Variants in ADGRD1 observed in about 807,000 individuals in gnomAD.
The protein encoded by ADGRD1 is adhesion G protein-coupled receptor D1, also known as G-protein coupled receptor 133.
A neutral mutation model predicts 113.4 loss-of-function variants in ADGRD1; 77 were observed. The ratio of observed to expected loss-of-function variants is 0.68; its 90% CI spans 0.57 to 0.82. The LOEUF (loss-of-function observed/expected upper bound fraction) is 0.82, where lower values mean the gene tolerates loss of function less well. Among genes scored for constraint, ADGRD1 ranks in the 40% least tolerant of loss-of-function variants. ADGRD1 has a pLI of 0.00. For synonymous variants in ADGRD1, 474 were observed against 475.0 expected, an observed-to-expected ratio of 1.00 and a Z score of 0.03; for missense variants, 1,036 against 1,139.1, an observed-to-expected ratio of 0.91 and a Z score of 1.30.
At chr12:131,083,788 G>A (rs574487976) in intron 14 of ADGRD1, among the ~76,000 whole-genome samples, 2 of 152,168 alleles carry the variant, frequency 1.3e-5, no homozygotes, top group Admixed American at 6.5e-5. Context: ...CGTTATTCAC[G>A]TAAAAAGTAA....
chr12:130,990,975 AC>A, intron 6 of ADGRD1, 38 bp from the exon 7 acceptor site: 2 of 1,560,604 alleles, frequency 1.3e-6, no homozygotes, highest in South Asian at 1.1e-5. Context: ...GAAAAAAGTG[AC>A]CATGTTTTAG....
chr12:131,094,066 C>T (rs989811337), intron 15 of ADGRD1, among the ~76,000 whole-genome samples: 4 of 150,052 alleles, frequency 2.7e-5, no homozygotes, highest in Non-Finnish European at 4.4e-5. Flanking sequence ...CACCCAGCCT[C>T]GGCACCCAGC....
intron 15 of ADGRD1, among the ~76,000 whole-genome samples, chr12:131,085,281 G>A (rs1886381157): frequency 6.6e-6 from 1 of 152,172 alleles, no homozygotes; most frequent in Admixed American, 6.5e-5. Context: ...CGTCTGAATG[G>A]CCAGAGGAAG....
At chr12:131,089,448 C>T (rs963007633) in intron 15 of ADGRD1, among the ~76,000 whole-genome samples, 1 of 152,258 alleles carries the variant, frequency 6.6e-6, no homozygotes, top group African/African-American at 2.4e-5. Context: ...GTGGCCTTCA[C>T]ACAGCCGACC....
chr12:131,128,709 G>A (rs1950809649), intron 20 of ADGRD1, among the ~76,000 whole-genome samples: 1 of 152,162 alleles, frequency 6.6e-6, no homozygotes, highest in Non-Finnish European at 1.5e-5. Context: ...CAGATAGGGG[G>A]ACTGTAACTA....
Position 131,067,706 on chromosome 12 carries a change from G to A in ADGRD1, c.1474-9095G>A, listed in dbSNP as rs572445488. Among the ~76,000 whole-genome samples the A allele has an allele frequency of 5.8e-3, 450 of 77,674 alleles. 17 individuals are homozygous for A. Among genetic ancestry groups the A allele is most frequent in the Non-Finnish European group, 1.4e-3 (51 of 36,180 alleles). The allele number at this position is 77,674 out of a possible 152,430, so 51.0% of individuals were successfully genotyped here. ...GCCCCTGATCCTTCTTCTGAGCAGG[G>A]GCTGCCCTCTGCCTCCTGTATTTCT... On this transcript the variant is annotated intron_variant, in intron 13 of 24. Coordinates refer to ENST00000261654, the MANE Select transcript of ADGRD1 (RefSeq NM_198827.5).
rs184204122 is a variant in ADGRD1 at position 131,027,893 on chromosome 12, A to C, written c.1473+13553A>C. 3 of 152,364 alleles carry C rather than the reference A, an allele frequency of 2.0e-5. No homozygotes were observed. Among genetic ancestry groups the C allele is most frequent in the East Asian group, 1.9e-4 (1 of 5,186 alleles). 9.4% of individuals were successfully genotyped at this position (152,364 alleles called of 1,614,324 possible). ...GGTCAAGAAGCAGCACACGGCCAGC[A>C]CCATGGAATGCCTTTTCCAGACGCC... On this transcript the variant is annotated intron_variant, in intron 13 of 24. Transcript: ENST00000261654. The surrounding 1 kb of genome is among the most constrained non-coding windows in gnomAD (Gnocchi z 5.1).
At chr12:131,124,402 G>T (rs1316886055) in intron 20 of ADGRD1, among the ~76,000 whole-genome samples, 2 of 152,196 alleles carry the variant, frequency 1.3e-5, no homozygotes, top group African/African-American at 4.8e-5. Flanking sequence ...GGGAGTATGT[G>T]CTTCAAGATT....
intron 5 of ADGRD1, chr12:130,986,687 T>C (rs531759661): frequency 7.2e-4 from 132 of 183,978 alleles, no homozygotes; most frequent in African/African-American, 2.8e-3. Context: ...TTCAGTACAA[T>C]GTTAAAAAGG....
chr12:131,000,512 C>T lies in ADGRD1; in HGVS notation c.1026+70C>T, dbSNP rs1006645885. On this transcript the variant is annotated intron_variant, in intron 9 of 24. Coordinates refer to ENST00000261654, the MANE Select transcript of ADGRD1 (RefSeq NM_198827.5). ...ATCCCAGCACTTTGGGAGGCCAAGG[C>T]GGGTGGATCACTTGAGGTCAGGAGT... The T allele has an allele frequency of 5.1e-5, 62 of 1,216,464 alleles. No individual in the cohort carries two copies. In the Admixed American group the frequency reaches 5.1e-4, roughly 10 times the overall value. 75.4% of individuals were successfully genotyped at this position (1,216,464 alleles called of 1,614,324 possible).
At position 131,075,751 on chromosome 12, in the gene ADGRD1, G is replaced by C. The variant is rs34859130; in HGVS notation, c.1474-1050G>C. 6.6e-6 allele frequency among the ~76,000 whole-genome samples: 1 copy of C among 152,182 alleles called. No individual in the cohort carries two copies. Among genetic ancestry groups the C allele is most frequent in the Admixed American group, 6.5e-5 (1 of 15,272 alleles). ...GTCGAGGCCAGGATGGCGCTCATGA[G>C]GGGGGCTGCCCTCGTGGCTCTGTCC... On this transcript the variant is annotated intron_variant, in intron 13 of 24. Transcript: ENST00000261654. The surrounding 1 kb of genome is among the most constrained non-coding windows in gnomAD (Gnocchi z 5.3).
chr12:131,000,322 A>C (rs376510899), intron 8 of ADGRD1, 61 bp from the exon 9 acceptor site: 334 of 1,281,470 alleles, frequency 2.6e-4, no homozygotes, highest in Non-Finnish European at 3.5e-4. Context: ...GGAAAACTGA[A>C]GGTCTTCAAG....
At chr12:131,111,771 T>C (rs1459087726) in intron 18 of ADGRD1, among the ~76,000 whole-genome samples, 1 of 152,232 alleles carries the variant, frequency 6.6e-6, no homozygotes, top group Non-Finnish European at 1.5e-5. Flanking sequence ...TTCATTTGGC[T>C]CTTTTTTTAG....
chr12:130,974,501 G>A (rs1872074642), intron 4 of ADGRD1, among the ~76,000 whole-genome samples: 1 of 152,116 alleles, frequency 6.6e-6, no homozygotes, highest in South Asian at 2.1e-4. Flanking sequence ...TTAGAACGTG[G>A]GAAGCATTGA....
At chr12:131,040,667 A>G (rs527585776) in intron 13 of ADGRD1, among the ~76,000 whole-genome samples, 23 of 152,230 alleles carry the variant, frequency 1.5e-4, no homozygotes, top group Admixed American at 6.5e-4. Context: ...GGGGTAAACC[A>G]CCCGCCCTCC....
chr12:131,072,028 C>A (rs868411231), intron 13 of ADGRD1, among the ~76,000 whole-genome samples: 10 of 150,644 alleles, frequency 6.6e-5, no homozygotes, highest in Non-Finnish European at 1.3e-4. Context: ...AGTTTCGGGG[C>A]AAGCTGCCCT....
At chr12:130,992,038 T>C (rs1464904968) in intron 7 of ADGRD1, among the ~76,000 whole-genome samples, 199 bp from the exon 8 acceptor site, 1 of 151,612 alleles carries the variant, frequency 6.6e-6, no homozygotes, top group East Asian at 1.9e-4. Context: ...AGAGACTCGC[T>C]TGAACCCGGG....
chr12:131,025,275 C>T (rs1031885592), intron 13 of ADGRD1, among the ~76,000 whole-genome samples: 2 of 152,156 alleles, frequency 1.3e-5, no homozygotes, highest in African/African-American at 4.8e-5. Flanking sequence ...CAAGCGTTCT[C>T]TAGGGTTTTG....
chr12:131,074,439 A>G (rs551086347), intron 13 of ADGRD1, among the ~76,000 whole-genome samples: 5 of 152,336 alleles, frequency 3.3e-5, no homozygotes, highest in African/African-American at 1.2e-4. Context: ...AAGACTCCAC[A>G]GGGAGGGAGC....
Sources: gnomAD v4.1 joint callset for allele counts (sites outside exome capture counted in the v4.1 genomes callset) on GRCh38, gnomAD v4.1.1 for gene constraint, Gnocchi (gnomAD v3.1) non-coding constraint, MANE v1.5 for transcripts, NCBI Gene and HGNC (gene_info 2026-07-23, HGNC 2026-07-21) for gene names.